Variants in NOS2 observed in about 807,000 individuals in gnomAD.
NOS2 encodes nitric oxide synthase, inducible.
NOS2 carries 96 observed loss-of-function variants against 136.0 expected under a neutral mutation model. The observed-to-expected ratio is 0.71, with a 90% confidence interval of 0.60 to 0.84. NOS2 has a LOEUF of 0.84. NOS2 is among the 40% of genes least tolerant of loss of function. The pLI, the probability that NOS2 is intolerant of heterozygous loss-of-function variation, is 0.00. For missense variants in NOS2, 1,237 were observed against 1,496.9 expected (o/e 0.83, Z 2.87); for synonymous variants, 539 against 587.5 (o/e 0.92, Z 1.20).
At chr17:27,779,583 T>C (rs1418047613) in intron 9 of NOS2, among the ~76,000 whole-genome samples, 1 of 152,176 alleles carries the variant, frequency 6.6e-6, no homozygotes, top group Non-Finnish European at 1.5e-5. Context: ...GAGAGACGTA[T>C]TGGACACATA....
At chr17:27,767,226 G>T (rs1273729476) in intron 18 of NOS2, among the ~76,000 whole-genome samples, 1 of 152,204 alleles carries the variant, frequency 6.6e-6, no homozygotes, top group Non-Finnish European at 1.5e-5. Flanking sequence ...CAGCACCTGG[G>T]GGTGCAGAGT....
chr17:27,766,214 C>G (rs1908296323), intron 19 of NOS2, among the ~76,000 whole-genome samples: 2 of 152,326 alleles, frequency 1.3e-5, no homozygotes, highest in South Asian at 4.1e-4. Flanking sequence ...ATGAATCAAA[C>G]AGTTTAAGTC....
chr17:27,761,715 G>C (rs796510856), intron 22 of NOS2, among the ~76,000 whole-genome samples: 4 of 152,262 alleles, frequency 2.6e-5, no homozygotes, highest in African/African-American at 7.2e-5. Context: ...TGAGTTCCGC[G>C]CATTTCAGCC....
intron 5 of NOS2, among the ~76,000 whole-genome samples, chr17:27,785,954 T>A (rs1597556509): frequency 1.4e-5 from 1 of 73,370 alleles, no homozygotes; most frequent in African/African-American, 7.0e-5. Context: ...CAAGACCGAG[T>A]CTCAAAAAAA....
chr17:27,800,162 T>C (rs1033984427), intron 1 of NOS2, among the ~76,000 whole-genome samples, 177 bp downstream of exon 1: 1 of 152,202 alleles, frequency 6.6e-6, no homozygotes, highest in African/African-American at 2.4e-5. Flanking sequence ...AGAAAAGAAA[T>C]CTGACCAAGA....
In NOS2 at chr17:27,762,781, C is replaced by T. The variant is rs539268880; in HGVS notation, c.2800+17G>A. 6 of 1,530,298 alleles carry T rather than the reference C, an allele frequency of 3.9e-6. No homozygotes were observed. The highest frequency in any genetic ancestry group is 4.9e-5 in the East Asian group (2 of 40,872). The allele number at this position is 1,530,298 out of a possible 1,614,324, so 94.8% of individuals were successfully genotyped here. Reference sequence around the variant, plus strand: ...GGGCGGAGCGGGGCTGTTCCAGAGCCTCTGCCCCTGGCTCACCTCGGGTGT... The same window carrying T: ...GGGCGGAGCGGGGCTGTTCCAGAGCTTCTGCCCCTGGCTCACCTCGGGTGT... On this transcript the variant is annotated intron_variant, in intron 22 of 26. Coordinates refer to ENST00000313735, the MANE Select transcript of NOS2 (RefSeq NM_000625.4).
chr17:27,796,594 C>T (rs1909363311), intron 2 of NOS2, among the ~76,000 whole-genome samples: 2 of 152,134 alleles, frequency 1.3e-5, no homozygotes, highest in African/African-American at 4.8e-5. Context: ...GGGATGGGCT[C>T]TCCATTTGGG....
rs775317741 is a variant in NOS2 at position 27,789,634 on chromosome 17, C to T, written c.165G>A (p.Glu55=). ...CCGTCTCCACGAGGGGCTGCGGGGA[C>T]TCATTCTGCTGCTTGCTGAGGTTGT... ...QYHNLSKQQN[E]SPQPLVETGK... Residue 55 remains glutamate (E), a synonymous_variant, in exon 3 of 27, where the codon GAG becomes GAA. Transcript: ENST00000313735. The T allele has an allele frequency of 6.2e-7, 1 of 1,614,108 alleles. No individual in the cohort carries two copies. Among genetic ancestry groups the T allele is most frequent in the Middle Eastern group, 1.6e-4 (1 of 6,062 alleles).
chr17:27,777,202 C>T (rs138896376), intron 11 of NOS2, among the ~76,000 whole-genome samples: 67 of 152,360 alleles, frequency 4.4e-4, no homozygotes, highest in African/African-American at 1.6e-3. Context: ...ACTCTGTTCA[C>T]CACTCACATC....
At chr17:27,788,999 A>G in intron 3 of NOS2, 68 bp from the exon 4 acceptor site, 1 of 1,568,212 alleles carries the variant, frequency 6.4e-7, no homozygotes, top group Non-Finnish European at 8.7e-7. Context: ...CTTGTCTTAG[A>G]GTGGGGAAGG....
chr17:27,792,506 G>A (rs1273766500), intron 2 of NOS2, among the ~76,000 whole-genome samples: 1 of 152,114 alleles, frequency 6.6e-6, no homozygotes, highest in Non-Finnish European at 1.5e-5. Context: ...CATTTCTTCT[G>A]GCTGGCTGCT....
Position 27,767,760 on chromosome 17 carries a change from C to G in NOS2, c.2112G>C (p.Trp704Cys). Residue 704 changes from tryptophan (W) to cysteine (C), a missense_variant, in exon 18 of 27, where the codon TGG (tryptophan) becomes TGC (cysteine). Physicochemically the swap from Trp to Cys is radical, Grantham distance 215. Around this residue, in one of 3 missense-constraint regions of NOS2, gnomAD observed 782 missense variants for 909.9 expected, o/e 0.86. Coordinates refer to ENST00000313735, the MANE Select transcript of NOS2 (RefSeq NM_000625.4). ...IPKLYTSNVTWDPHHYRLVQD... is the reference protein window; with the variant it reads ...IPKLYTSNVTCDPHHYRLVQD... ...GCACGAGCCTGTAGTGGTGCGGGTC[C>G]CAGGTCACATTGGAGGTGTAGAGCT... 2 of 1,613,398 alleles carry G rather than the reference C, an allele frequency of 1.2e-6. No homozygotes were observed. Among genetic ancestry groups the G allele is most frequent in the Non-Finnish European group, 1.7e-6 (2 of 1,180,026 alleles).
chr17:27,796,816 T>C (rs1909368879), intron 2 of NOS2, among the ~76,000 whole-genome samples: 1 of 152,144 alleles, frequency 6.6e-6, no homozygotes, highest in Admixed American at 6.5e-5. Flanking sequence ...CCACTGCCCC[T>C]CTACAGCCCT....
At chr17:27,766,814 C>T (rs777856888) in intron 18 of NOS2, among the ~76,000 whole-genome samples, 13 of 151,984 alleles carry the variant, frequency 8.6e-5, no homozygotes, top group East Asian at 5.8e-4. Flanking sequence ...TTGGAGGCCG[C>T]GGTGGGTGGA....
rs1309420143 is a variant in NOS2, at chr17:27,760,136, C to T, written c.3053G>A (p.Arg1018His). 1 of 1,603,218 alleles carries T rather than the reference C, an allele frequency of 6.2e-7. No homozygotes were observed. The highest frequency in any genetic ancestry group is 8.5e-7 in the Non-Finnish European group (1 of 1,175,264). ...GRMTLVFGCRRPDEDHIYQEE... is the reference protein window; with the variant it reads ...GRMTLVFGCRHPDEDHIYQEE... ...CTGGTAGATGTGGTCCTCATCTGGG[C>T]GGCGGCACCCAAACACCAAGGTCAT... Residue 1018 changes from arginine (R) to histidine (H), a missense_variant, in exon 25 of 27, where the codon CGC becomes CAC. Around this residue, in one of 3 missense-constraint regions of NOS2, gnomAD observed 782 missense variants for 909.9 expected, o/e 0.86. Coordinates refer to ENST00000313735, the MANE Select transcript of NOS2 (RefSeq NM_000625.4).
chr17:27,760,873 T>C, intron 23 of NOS2, 129 bp from the exon 24 acceptor site: 1 of 1,250,014 alleles, frequency 8.0e-7, no homozygotes, highest in Non-Finnish European at 1.1e-6. Context: ...AGCTCCTATT[T>C]GATTTCCCAC....
chr17:27,782,127 C>T (rs199821846), intron 6 of NOS2, 21 bp from the exon 7 acceptor site: 1 of 1,610,222 alleles, frequency 6.2e-7, no homozygotes, highest in Non-Finnish European at 8.5e-7. Flanking sequence ...CCATCCAGAC[C>T]ATGCCCATCA....
chr17:27,758,763 T>G, intron 26 of NOS2, 118 bp downstream of exon 26: 1 of 741,894 alleles, frequency 1.3e-6, no homozygotes, highest in Non-Finnish European at 2.0e-6. Flanking sequence ...TAAGATTCTC[T>G]TGGGGTCCAG....
intron 15 of NOS2, among the ~76,000 whole-genome samples, chr17:27,770,063 A>G (rs1313644177): frequency 3.9e-5 from 6 of 152,328 alleles, no homozygotes; most frequent in Middle Eastern, 3.4e-3. Flanking sequence ...CTCCCTTTTC[A>G]TAATTTATTT....
Sources: allele counts gnomAD v4.1 joint callset (sites outside exome capture counted in the v4.1 genomes callset), GRCh38; gene constraint gnomAD v4.1.1; regional missense constraint gnomAD v4.1.1; transcripts MANE v1.5; gene names NCBI Gene and HGNC (gene_info 2026-07-23, HGNC 2026-07-21).